The following NR1D1 variants were observed in gnomAD, a reference collection of about 807,000 sequenced individuals.
NR1D1 encodes the protein nuclear receptor subfamily 1 group D member 1, also known as Rev-ErbAalpha.
In NR1D1, 17 loss-of-function variants were observed where a neutral mutation model predicts 51.1. The observed-to-expected ratio is 0.33, with a 90% confidence interval of 0.23 to 0.50. The LOEUF is 0.50. NR1D1 is among the 20% of genes least tolerant of loss of function. The pLI is 0.98. For missense variants in NR1D1, 647 were observed against 830.4 expected, an observed-to-expected ratio of 0.78 and a Z score of 2.71; for synonymous variants, 341 against 333.4, an observed-to-expected ratio of 1.02 and a Z score of -0.25.
chr17:40,096,986 C>T (rs958911818), intron 2 of NR1D1, 79 bp downstream of exon 2: 2 of 1,382,002 alleles, frequency 1.4e-6, no homozygotes, highest in Non-Finnish European at 2.0e-6. Flanking sequence ...CCTGGCAAGA[C>T]TGGTGTCACG....
At position 40,100,401 on chromosome 17, in the gene NR1D1, G is replaced by C. The variant is rs545404556; in HGVS notation, c.-307C>G. 7 of 479,176 alleles carry C rather than the reference G, an allele frequency of 1.5e-5. No individual in the cohort carries two copies. The highest frequency in any genetic ancestry group is 5.9e-5 in the African/African-American group (3 of 50,742). 29.7% of individuals were successfully genotyped at this position (479,176 alleles called of 1,614,324 possible). On this transcript the variant is annotated 5_prime_UTR_variant, in exon 1 of 8. Transcript: ENST00000246672. ...GGAGGGTCGGGTCTCTGCAGTGTAC[G>C]GGGTGCCTCTGCCTGCCGGCTCCGC...
Position 40,092,810 on chromosome 17 carries a change from G to A in NR1D1, c.*273C>T. On this transcript the variant is annotated 3_prime_UTR_variant, in exon 8 of 8. Coordinates refer to ENST00000246672, the MANE Select transcript of NR1D1 (RefSeq NM_021724.5). ...AAGCCAGCTCAGCTGTGAACTATTGGATTTGAGACAGGAACAGAACAAATC... is the reference window on the plus strand; with the variant it reads ...AAGCCAGCTCAGCTGTGAACTATTGAATTTGAGACAGGAACAGAACAAATC... 1.4e-6 allele frequency: 1 copy of A among 731,972 alleles called. No individual in the cohort carries two copies. The highest frequency in any genetic ancestry group is 2.1e-6 in the Non-Finnish European group (1 of 469,040). 45.3% of individuals were successfully genotyped at this position (731,972 alleles called of 1,614,324 possible).
chr17:40,094,830 G>A (rs1342036721), intron 6 of NR1D1, 105 bp downstream of exon 6: 15 of 1,036,572 alleles, frequency 1.4e-5, no homozygotes, highest in Non-Finnish European at 2.1e-5. Flanking sequence ...CCCAGGAGGT[G>A]GAGGTTGCAG....
chr17:40,093,496 T>G lies in NR1D1; in HGVS notation c.1646-214A>C. The G allele has an allele frequency of 7.0e-7, 1 of 1,436,728 alleles. No homozygotes were observed. The highest frequency in any genetic ancestry group is 9.2e-7 in the Non-Finnish European group (1 of 1,083,760). 89.0% of individuals were successfully genotyped at this position (1,436,728 alleles called of 1,614,324 possible). The stretch of plus-strand genomic sequence containing the variant: ...GGGAGCGTGGGCTCAGCAGGGCTGG[T>G]CACCTCCCATCCCGTAAGACCACCT... On this transcript the variant is annotated intron_variant, in intron 7 of 7. Coordinates refer to ENST00000246672, the MANE Select transcript of NR1D1 (RefSeq NM_021724.5). This position sits in a 1 kb window ranked among gnomAD's most constrained non-coding sequence, Gnocchi z 5.9.
rs1421812407 is a variant in NR1D1 at position 40,097,391 on chromosome 17, G to A, written c.44C>T (p.Thr15Ile). 5.0e-6 allele frequency: 8 copies of A among 1,610,140 alleles called. No homozygotes were observed. The highest frequency in any genetic ancestry group is 6.8e-6 in the Non-Finnish European group (8 of 1,178,408). ...GGAGGAGCCACTGGAGCCAATGTAG[G>A]TGATGACGCCACCTGGAGAGAGAAC... ...DSNNNTGGVITYIGSSGSSPS... is the reference protein window; with the variant it reads ...DSNNNTGGVIIYIGSSGSSPS... The change falls in exon 2 of 8, where the codon ACC becomes ATC. Residue 15 changes from threonine (T) to isoleucine (I), a missense_variant. Thr to Ile is a moderately conservative substitution (Grantham distance 89). This residue lies in a region of NR1D1 where 40 missense variants were observed against 69.0 expected (regional missense o/e 0.58). Transcript: ENST00000246672.
At chr17:40,098,486 G>A (rs1257205982) in intron 1 of NR1D1, among the ~76,000 whole-genome samples, 1 of 152,188 alleles carries the variant, frequency 6.6e-6, no homozygotes, top group Non-Finnish European at 1.5e-5. Context: ...GGTGGGGGAT[G>A]GAATCATTAG....
In NR1D1 at chr17:40,093,732, TCTCA is replaced by T. The variant is rs1341664159; in HGVS notation, c.1645+176_1645+179del. 1.6e-6 allele frequency: 1 copy of T among 643,862 alleles called. No homozygotes were observed. Among genetic ancestry groups the T allele is most frequent in the Admixed American group, 2.9e-5 (1 of 34,892 alleles). 39.9% of individuals were successfully genotyped at this position (643,862 alleles called of 1,614,324 possible). On this transcript the variant is annotated intron_variant, in intron 7 of 7. Coordinates refer to ENST00000246672, the MANE Select transcript of NR1D1 (RefSeq NM_021724.5). This position sits in a 1 kb window ranked among gnomAD's most constrained non-coding sequence, Gnocchi z 5.9. Reference sequence around the variant, plus strand: ...GTTCATGCTTCTACTGTGACACTTATCTCACTGTTTTATAATTAGTCGGGCATGA... The same window carrying T: ...GTTCATGCTTCTACTGTGACACTTATCTGTTTTATAATTAGTCGGGCATGA...
Position 40,093,424 on chromosome 17 carries a change from A to T in NR1D1, c.1646-142T>A. 5 of 1,576,564 alleles carry T rather than the reference A, an allele frequency of 3.2e-6. No individual in the cohort carries two copies. The highest frequency in any genetic ancestry group is 4.3e-6 in the Non-Finnish European group (5 of 1,160,494). ...GATGGGGAAGGAGAAGGAGTGCCAT[A>T]CCTTCTCCCAGGCCTCTGCCCCAAG... On this transcript the variant is annotated intron_variant, in intron 7 of 7. Transcript: ENST00000246672. This position sits in a 1 kb window ranked among gnomAD's most constrained non-coding sequence, Gnocchi z 5.9.
Position 40,096,083 on chromosome 17 carries a change from C to G in NR1D1, c.609G>C (p.Val203=), listed in dbSNP as rs1183868401. The G allele has an allele frequency of 6.2e-7, 1 of 1,612,076 alleles. No individual in the cohort carries two copies. Among genetic ancestry groups the G allele is most frequent in the Non-Finnish European group, 8.5e-7 (1 of 1,179,618 alleles). The change falls in exon 5 of 8, where the codon GTG becomes GTC. Residue 203 remains valine, a synonymous_variant. Coordinates refer to ENST00000246672, the MANE Select transcript of NR1D1 (RefSeq NM_021724.5). Reference sequence around the variant, plus strand: ...CTCGTTTGGGGATGCGCCCAAAACGCACAGCTGCAACAGGATGAGAACAGC... The same window carrying G: ...CTCGTTTGGGGATGCGCCCAAAACGGACAGCTGCAACAGGATGAGAACAGC... The part of the protein sequence containing the change: ...CLSVGMSRDA[V]RFGRIPKREK...
chr17:40,099,504 C>G (rs761213119), intron 1 of NR1D1, among the ~76,000 whole-genome samples: 14 of 152,010 alleles, frequency 9.2e-5, no homozygotes, highest in Non-Finnish European at 1.6e-4. Context: ...GGTGCCCTCC[C>G]TCGGGCCGGG....
intron 4 of NR1D1, 55 bp from the exon 5 acceptor site, chr17:40,096,142 T>TCTTC (rs1317581355): frequency 1.3e-6 from 2 of 1,574,436 alleles, no homozygotes; most frequent in Admixed American, 1.8e-5. Flanking sequence ...CACGTGCTTC[T>TCTTC]CTTCCTTCCT....
At chr17:40,097,429 G>C (rs371289650) in intron 1 of NR1D1, 26 bp from the exon 2 acceptor site, 2 of 1,559,188 alleles carry the variant, frequency 1.3e-6, no homozygotes, top group African/African-American at 2.7e-5. Flanking sequence ...AAGGAAAGGG[G>C]GTGTCAGCCG....
At position 40,093,651 on chromosome 17, in the gene NR1D1, A is replaced by T. The variant is rs1403377592; in HGVS notation, c.1645+261T>A. 3.1e-6 allele frequency: 2 copies of T among 652,482 alleles called. No individual in the cohort carries two copies. Among genetic ancestry groups the T allele is most frequent in the Non-Finnish European group, 5.2e-6 (2 of 386,230 alleles). The allele number at this position is 652,482 out of a possible 1,614,324, so 40.4% of individuals were successfully genotyped here. Reference sequence around the variant, plus strand: ...ACTTGTCCTTTGAGGCCCCAACTCAAGTGTCACCTCCTTCCCCAGCTCCCC... The same window carrying T: ...ACTTGTCCTTTGAGGCCCCAACTCATGTGTCACCTCCTTCCCCAGCTCCCC... On this transcript the variant is annotated intron_variant, in intron 7 of 7. Transcript: ENST00000246672. This position sits in a 1 kb window ranked among gnomAD's most constrained non-coding sequence, Gnocchi z 5.9.
intron 1 of NR1D1, among the ~76,000 whole-genome samples, chr17:40,097,668 C>T (rs559357157): frequency 2.0e-5 from 3 of 152,310 alleles, no homozygotes; most frequent in African/African-American, 7.2e-5. Flanking sequence ...CGCATATGTG[C>T]CCCCCTTCCT....
intron 2 of NR1D1, 25 bp from the exon 3 acceptor site, chr17:40,096,804 G>T: frequency 6.2e-7 from 1 of 1,609,850 alleles, no homozygotes; most frequent in South Asian, 1.1e-5. Context: ...GGCAGCAGGT[G>T]AGCAGGAGAG....
At position 40,095,098 on chromosome 17, in the gene NR1D1, G is replaced by A. The variant is rs200008232; in HGVS notation, c.1271C>T (p.Pro424Leu). The change falls in exon 6 of 8, where the codon CCG becomes CTG. Residue 424 changes from proline to leucine, a missense_variant. By Grantham distance (98) the Pro-to-Leu change is moderately conservative. Transcript: ENST00000246672. ...VLLACPMNMY[P>L]HGRSGRTVQE... ...CACCGTTCGCCCACTGCGTCCATGC[G>A]GGTACATGTTCATAGGACATGCCTG... 68 of 1,613,398 alleles carry A rather than the reference G, an allele frequency of 4.2e-5. No homozygotes were observed. Among genetic ancestry groups the A allele is most frequent in the Non-Finnish European group, 5.4e-5 (64 of 1,179,872 alleles).
chr17:40,093,528 C>T lies in NR1D1; in HGVS notation c.1646-246G>A, dbSNP rs548502653. 1.1e-4 allele frequency: 144 copies of T among 1,277,516 alleles called. No individual in the cohort carries two copies. Among genetic ancestry groups the T allele is most frequent in the Non-Finnish European group, 1.4e-4 (133 of 947,680 alleles). The allele number at this position is 1,277,516 out of a possible 1,614,324, so 79.1% of individuals were successfully genotyped here. ...CCATCCCGTAAGACCACCTTCCCTTCCTCAGCAGGCCAAACATGGCCAGAC... is the reference window on the plus strand; with the variant it reads ...CCATCCCGTAAGACCACCTTCCCTTTCTCAGCAGGCCAAACATGGCCAGAC... On this transcript the variant is annotated intron_variant, in intron 7 of 7. Transcript: ENST00000246672. This position sits in a 1 kb window ranked among gnomAD's most constrained non-coding sequence, Gnocchi z 5.9.
Position 40,093,852 on chromosome 17 carries a change from G to C in NR1D1, c.1645+60C>G, listed in dbSNP as rs1032863019. The C allele has an allele frequency of 7.3e-5, 108 of 1,476,230 alleles. No individual in the cohort carries two copies. The Middle Eastern group carries it at 1.0e-3, about 14-fold the overall frequency. 91.4% of individuals were successfully genotyped at this position (1,476,230 alleles called of 1,614,324 possible). ...GGCATAGAGTAGGTACTCCATAAAAGGTGTGTTGAATTGAACTGCGTCTGC... is the reference window on the plus strand; with the variant it reads ...GGCATAGAGTAGGTACTCCATAAAACGTGTGTTGAATTGAACTGCGTCTGC... On this transcript the variant is annotated intron_variant, in intron 7 of 7. Transcript: ENST00000246672. This position sits in a 1 kb window ranked among gnomAD's most constrained non-coding sequence, Gnocchi z 5.9.
chr17:40,095,834 C>G lies in NR1D1; in HGVS notation c.858G>C (p.Glu286Asp). The G allele has an allele frequency of 6.2e-7, 1 of 1,614,072 alleles. No individual in the cohort carries two copies. The highest frequency in any genetic ancestry group is 1.1e-5 in the South Asian group (1 of 91,082). Residue 286 changes from glutamate (E) to aspartate (D), a missense_variant, in exon 5 of 8, where the codon GAG becomes GAC. This residue lies in a region of NR1D1 where 51 missense variants were observed against 75.9 expected (regional missense o/e 0.67). Transcript: ENST00000246672. ...PRSPSPEPTV[E>D]DVISQVARAH... is the part of the protein sequence containing the mutation. ...CCCGGGCCACCTGGGATATCACATCCTCCACTGTGGGCTCAGGGCTTGGGG... is the reference window on the plus strand; with the variant it reads ...CCCGGGCCACCTGGGATATCACATCGTCCACTGTGGGCTCAGGGCTTGGGG...
Sources: allele counts gnomAD v4.1 joint callset (sites outside exome capture counted in the v4.1 genomes callset), GRCh38; gene constraint gnomAD v4.1.1; regional missense constraint gnomAD v4.1.1; non-coding constraint Gnocchi (gnomAD v3.1); transcripts MANE v1.5; gene names NCBI Gene and HGNC (gene_info 2026-07-23, HGNC 2026-07-21).